Variants in RRP12 observed in about 807,000 individuals in gnomAD.
RRP12 encodes ribosomal RNA processing 12 homolog, also known as RRP12-like protein.
Under a neutral mutation model 157.3 loss-of-function variants are expected in RRP12, and 78 were observed. The observed-to-expected ratio is 0.50, with a 90% confidence interval of 0.41 to 0.60. The LOEUF (loss-of-function observed/expected upper bound fraction) is 0.60. RRP12 is among the 20% of genes least tolerant of loss of function. RRP12 has a pLI of 0.00. For synonymous variants in RRP12, 726 were observed against 670.9 expected (o/e 1.08, Z -1.27); for missense variants, 1,521 against 1,679.9 (o/e 0.91, Z 1.65).
Position 97,367,305 on chromosome 10 carries a change from C to A in RRP12, c.2956-173G>T, listed in dbSNP as rs1458732809. ...GTCATGCTTCCCTCGGGTGGGCAGG[C>A]CCCATCTTTCCCCTGCACCCTCCTT... On this transcript the variant is annotated intron_variant, in intron 25 of 33. Coordinates refer to ENST00000370992, the MANE Select transcript of RRP12 (RefSeq NM_015179.4). The A allele has an allele frequency of 2.8e-5, 17 of 612,442 alleles. No individual in the cohort carries two copies. In the South Asian group the frequency reaches 3.3e-4, roughly 12 times the overall value. The allele number at this position is 612,442 out of a possible 1,614,324, so 37.9% of individuals were successfully genotyped here. A position where few individuals can be genotyped will look rare whatever the true frequency, so the allele number is the denominator to read the frequency against.
At chr10:97,364,321 T>A (rs1843916853) in intron 29 of RRP12, among the ~76,000 whole-genome samples, 1 of 152,130 alleles carries the variant, frequency 6.6e-6, no homozygotes, top group Non-Finnish European at 1.5e-5. Flanking sequence ...CTCTGCCCCA[T>A]GCAGTATGTG....
chr10:97,357,837 T>C (rs1002596822), intron 33 of RRP12, among the ~76,000 whole-genome samples: 2 of 151,776 alleles, frequency 1.3e-5, no homozygotes, highest in African/African-American at 4.8e-5. Flanking sequence ...CGGGTGCCTG[T>C]AGTCCCAGCT....
chr10:97,399,886 C>CCAG (rs1053979786), intron 2 of RRP12, among the ~76,000 whole-genome samples: 155 of 152,230 alleles, frequency 1.0e-3, no homozygotes, highest in African/African-American at 3.5e-3. Flanking sequence ...CTACTGCACT[C>CCAG]CAGCCTGGCC....
chr10:97,372,676 G>T, intron 19 of RRP12, 60 bp downstream of exon 19: 1 of 1,362,610 alleles, frequency 7.3e-7, no homozygotes, highest in Non-Finnish European at 1.0e-6. Context: ...GCTTCTGCCA[G>T]ATGCACCCTC....
At chr10:97,370,328 G>A in intron 23 of RRP12, 54 bp from the exon 24 acceptor site, 1 of 1,440,586 alleles carries the variant, frequency 6.9e-7, no homozygotes, top group South Asian at 1.2e-5. Context: ...AGGTAGGGGG[G>A]CTGAGGGCCA....
In RRP12 at chr10:97,357,191, T is replaced by C; in HGVS notation, c.3797A>G (p.Lys1266Arg). The change falls in exon 34 of 34, where the codon AAG becomes AGG. Residue 1266 changes from lysine (K) to arginine (R), a missense_variant. Physicochemically the swap from Lys to Arg is conservative, Grantham distance 26 (BLOSUM62 2). Transcript: ENST00000370992. ...LNRSKLNRRK[K>R]MKLQGQFKGL... ...TTTGAACTGTCCCTGCAGCTTCATC[T>C]TCTTCCTGCAGGGCCAAGGAACGGA... The C allele has an allele frequency of 6.2e-7, 1 of 1,605,256 alleles. No homozygotes were observed. Among genetic ancestry groups the C allele is most frequent in the Non-Finnish European group, 8.5e-7 (1 of 1,173,540 alleles).
At chr10:97,370,622 G>A in intron 22 of RRP12, 62 bp from the exon 23 acceptor site, 1 of 1,582,950 alleles carries the variant, frequency 6.3e-7, no homozygotes, top group Non-Finnish European at 8.7e-7. Flanking sequence ...AGCGAATCGA[G>A]TCCTCCCACT....
rs186653780 is a variant in RRP12, at chr10:97,393,895, T to C, written c.454-135A>G. ...GTATCAGAGGTTCAGATCCTGACTC[T>C]GGCATTGTGTGGTTTTGGGCTAGTA... is the stretch of plus-strand genomic sequence containing the variant. On this transcript the variant is annotated intron_variant, in intron 3 of 33. Transcript: ENST00000370992. 9.5e-4 allele frequency: 625 copies of C among 655,662 alleles called. 3 individuals carry two copies. The African/African-American group carries it at 9.9e-3, about 10-fold the overall frequency. The allele number at this position is 655,662 out of a possible 1,614,324, so 40.6% of individuals were successfully genotyped here.
intron 30 of RRP12, among the ~76,000 whole-genome samples, chr10:97,362,727 G>C (rs1843877024): frequency 6.6e-6 from 1 of 152,178 alleles, no homozygotes; most frequent in Non-Finnish European, 1.5e-5. Flanking sequence ...ATCAGAGGCT[G>C]CTCAGGTCCT....
At chr10:97,365,921 T>C (rs958405585) in intron 29 of RRP12, 187 bp downstream of exon 29, 9 of 717,810 alleles carry the variant, frequency 1.3e-5, no homozygotes, top group Non-Finnish European at 2.1e-5. Flanking sequence ...ATTGTATAAA[T>C]GGCTCGGTTA....
intron 21 of RRP12, 60 bp downstream of exon 21, chr10:97,370,863 G>A (rs1844128720): frequency 2.5e-6 from 4 of 1,610,054 alleles, no homozygotes; most frequent in Non-Finnish European, 3.4e-6. Flanking sequence ...CTCAACAGTG[G>A]CTCCTTTCCT....
At chr10:97,365,419 G>A (rs189829402) in intron 29 of RRP12, among the ~76,000 whole-genome samples, 8 of 151,884 alleles carry the variant, frequency 5.3e-5, no homozygotes, top group African/African-American at 1.7e-4. Context: ...GACTACAGGC[G>A]CCCGCGACCA....
chr10:97,390,311 C>A, intron 6 of RRP12, 112 bp downstream of exon 6: 1 of 807,368 alleles, frequency 1.2e-6, no homozygotes, highest in South Asian at 1.4e-5. Context: ...AAAGCAGAAG[C>A]CAGTACTCAG....
rs571255380 is a variant in RRP12 at position 97,384,369 on chromosome 10, C to A, written c.1208+797G>T. 2.5e-3 allele frequency among the ~76,000 whole-genome samples: 336 copies of A among 135,022 alleles called. 1 individual carries two copies. The highest frequency in any genetic ancestry group is 8.4e-3 in the African/African-American group (302 of 35,824). 88.6% of individuals were successfully genotyped at this position (135,022 alleles called of 152,430 possible). On this transcript the variant is annotated intron_variant, in intron 10 of 33. Coordinates refer to ENST00000370992, the MANE Select transcript of RRP12 (RefSeq NM_015179.4). ...CTGGAGGGAGGCCCTGAGGACCCCC[C>A]ACCTTGGCAGCCTGGACAAGAGGTC...
intron 29 of RRP12, among the ~76,000 whole-genome samples, chr10:97,365,281 T>TG (rs1312327357): frequency 4.0e-5 from 6 of 149,768 alleles, no homozygotes; most frequent in Admixed American, 2.7e-4. Context: ...TGTTTTTTTT[T>TG]TTTTTTTTTT....
At chr10:97,384,747 C>G (rs1844572290) in intron 10 of RRP12, among the ~76,000 whole-genome samples, 1 of 151,264 alleles carries the variant, frequency 6.6e-6, no homozygotes, top group South Asian at 2.1e-4. Flanking sequence ...GACCCCCAAC[C>G]TCGGCAGCCA....
chr10:97,401,008 A>T, intron 1 of RRP12, 85 bp downstream of exon 1: 1 of 1,507,018 alleles, frequency 6.6e-7, no homozygotes, highest in Non-Finnish European at 9.0e-7. Context: ...CTGGCCCCGC[A>T]CTCTCCCAGA....
intron 15 of RRP12, among the ~76,000 whole-genome samples, chr10:97,378,690 C>T (rs1844377394): frequency 6.6e-6 from 1 of 151,996 alleles, no homozygotes; most frequent in Non-Finnish European, 1.5e-5. Flanking sequence ...AACCCTGTCG[C>T]TACTAAAAAT....
intron 15 of RRP12, among the ~76,000 whole-genome samples, chr10:97,376,212 CTTTTTTTTT>C (rs771016888): frequency 9.3e-6 from 1 of 107,536 alleles, no homozygotes; most frequent in Non-Finnish European, 1.8e-5. Flanking sequence ...CTTTTACTTT[CTTTTTTTTT>C]TTTTTTTTTT....
Sources: allele counts gnomAD v4.1 joint callset (sites outside exome capture counted in the v4.1 genomes callset), GRCh38; gene constraint gnomAD v4.1.1; transcripts MANE v1.5; gene names NCBI Gene and HGNC (gene_info 2026-07-23, HGNC 2026-07-21).